KIAA1328: variants seen among roughly 807,000 people sequenced by gnomAD.
KIAA1328 encodes the protein protein hinderin.
In KIAA1328, 52 loss-of-function variants were observed where a neutral mutation model predicts 68.1. The observed-to-expected ratio is 0.76, with a 90% CI of 0.61 to 0.96. The LOEUF is 0.96. Among genes scored for constraint, KIAA1328 ranks in the 40% least tolerant of loss-of-function variants. The pLI is 0.00. For missense variants in KIAA1328, 641 were observed against 677.6 expected (o/e 0.95, Z 0.60); for synonymous variants, 232 against 239.4 (o/e 0.97, Z 0.28).
chr18:36,999,889 A>G (rs1208579779), intron 6 of KIAA1328, among the ~76,000 whole-genome samples: 2 of 152,032 alleles, frequency 1.3e-5, no homozygotes, highest in South Asian at 2.1e-4. Flanking sequence ...GAAACAAATG[A>G]TACCACCACC....
chr18:36,916,217 A>T (rs1416025901), intron 5 of KIAA1328, among the ~76,000 whole-genome samples: 4 of 151,932 alleles, frequency 2.6e-5, no homozygotes, highest in Non-Finnish European at 4.4e-5. Context: ...TTATATATAT[A>T]TGTACCTGCT....
intron 6 of KIAA1328, among the ~76,000 whole-genome samples, chr18:36,978,579 C>A (rs1168237182): frequency 6.6e-6 from 1 of 152,160 alleles, no homozygotes; most frequent in African/African-American, 2.4e-5. Context: ...ACATTTTTAA[C>A]TTTCTTTATA....
At chr18:36,981,237 CACA>C (rs1362257826) in intron 6 of KIAA1328, among the ~76,000 whole-genome samples, 2 of 152,124 alleles carry the variant, frequency 1.3e-5, no homozygotes, top group Non-Finnish European at 2.9e-5. Flanking sequence ...AGCACCTCTC[CACA>C]CTGATTCAAC....
chr18:37,073,906 T>C (rs941456486), intron 7 of KIAA1328, among the ~76,000 whole-genome samples: 5 of 152,224 alleles, frequency 3.3e-5, no homozygotes, highest in Admixed American at 3.3e-4. Context: ...CAAGTTGAGA[T>C]TATCTTCATT....
intron 7 of KIAA1328, among the ~76,000 whole-genome samples, chr18:37,096,488 T>A (rs2057411695): frequency 6.6e-6 from 1 of 152,264 alleles, no homozygotes; most frequent in African/African-American, 2.4e-5. Flanking sequence ...TGTTGGACAT[T>A]TGGATTGGTT....
At chr18:37,008,801 A>G (rs1208380690) in intron 6 of KIAA1328, among the ~76,000 whole-genome samples, 1 of 152,162 alleles carries the variant, frequency 6.6e-6, no homozygotes, top group African/African-American at 2.4e-5. Context: ...TGGAGTAACA[A>G]AGGAAAGAGT....
rs753945228 is a variant in KIAA1328, at chr18:37,213,113, T to C, written c.1524-8904T>C. 2.0e-5 allele frequency among the ~76,000 whole-genome samples: 3 copies of C among 152,324 alleles called. No homozygotes were observed. The South Asian group carries it at 6.2e-4, about 32-fold the overall frequency. On this transcript the variant is annotated intron_variant, in intron 9 of 9. Transcript: ENST00000280020. ...GTGATATAATTAAAAGCAACATCAG[T>C]CACTCTTAGCAAATGAGATTACAAA...
At chr18:37,154,082 ACT>A (rs891877258) in intron 7 of KIAA1328, among the ~76,000 whole-genome samples, 8 of 152,116 alleles carry the variant, frequency 5.3e-5, no homozygotes, top group Non-Finnish European at 1.2e-4. Context: ...TTTCTAAAAG[ACT>A]GTTTTCTCCC....
chr18:37,131,744 T>C (rs1308185039), intron 7 of KIAA1328, among the ~76,000 whole-genome samples: 1 of 152,166 alleles, frequency 6.6e-6, no homozygotes, highest in Non-Finnish European at 1.5e-5. Context: ...AAAAAGACTA[T>C]CATGTAAATT....
intron 4 of KIAA1328, among the ~76,000 whole-genome samples, chr18:36,865,225 T>C (rs1232663490): frequency 1.3e-5 from 2 of 152,132 alleles, no homozygotes; most frequent in Non-Finnish European, 2.9e-5. Context: ...TTTTAATTCG[T>C]TCTGTTTTCA....
chr18:36,915,395 T>G (rs1186544935), intron 5 of KIAA1328, among the ~76,000 whole-genome samples: 1 of 150,400 alleles, frequency 6.6e-6, no homozygotes, highest in African/African-American at 2.4e-5. Context: ...GGAAAAAAAC[T>G]ATTCTCCCGT....
At chr18:37,128,410 T>C (rs1198811906) in intron 7 of KIAA1328, among the ~76,000 whole-genome samples, 1 of 151,858 alleles carries the variant, frequency 6.6e-6, no homozygotes, top group Admixed American at 6.6e-5. Context: ...GAGGCGTAGG[T>C]TGCAATGAGC....
At chr18:37,113,303 G>A (rs577075401) in intron 7 of KIAA1328, among the ~76,000 whole-genome samples, 5 of 152,234 alleles carry the variant, frequency 3.3e-5, no homozygotes, top group South Asian at 4.1e-4. Flanking sequence ...GACTACCAGC[G>A]GATCTCTGGG....
At chr18:36,882,431 T>G (rs1235485903) in intron 4 of KIAA1328, among the ~76,000 whole-genome samples, 1 of 152,202 alleles carries the variant, frequency 6.6e-6, no homozygotes, top group Non-Finnish European at 1.5e-5. Flanking sequence ...GTTGCTTTAT[T>G]GGCAGGTCTT....
intron 6 of KIAA1328, among the ~76,000 whole-genome samples, chr18:36,984,149 C>G (rs2052809662): frequency 6.6e-6 from 1 of 152,096 alleles, no homozygotes. Context: ...TTAATAACAT[C>G]ATACTCAATG....
intron 6 of KIAA1328, among the ~76,000 whole-genome samples, chr18:37,057,687 G>A (rs1221030631): frequency 1.3e-5 from 2 of 151,476 alleles, no homozygotes; most frequent in Non-Finnish European, 2.9e-5. Flanking sequence ...CACCTGCCTC[G>A]GCCTCCCAAA....
intron 6 of KIAA1328, among the ~76,000 whole-genome samples, chr18:37,025,630 A>G (rs979878885): frequency 6.6e-6 from 1 of 152,228 alleles, no homozygotes; most frequent in African/African-American, 2.4e-5. Flanking sequence ...ACTACTGGGT[A>G]CATAACGAAA....
At position 37,064,536 on chromosome 18, in the gene KIAA1328, A is replaced by ACCC. The variant is rs35629735; in HGVS notation, c.577-2345_577-2343dup. On this transcript the variant is annotated intron_variant, in intron 6 of 9. Coordinates refer to ENST00000280020, the MANE Select transcript of KIAA1328 (RefSeq NM_020776.3). ...AAAATAGGCATGGTAGACTGAAAGT[A>ACCC]CCCCCCCCCCCAAATATGACCATGT... is the stretch of plus-strand genomic sequence containing the variant. 5.7e-4 allele frequency among the ~76,000 whole-genome samples: 66 copies of ACCC among 116,404 alleles called. 1 individual carries two copies. The highest frequency in any genetic ancestry group is 1.9e-3 in the African/African-American group (60 of 30,824). The allele number at this position is 116,404 out of a possible 152,430, so 76.4% of individuals were successfully genotyped here.
chr18:36,830,590 A>G (rs1304347509), intron 1 of KIAA1328, among the ~76,000 whole-genome samples: 1 of 151,626 alleles, frequency 6.6e-6, no homozygotes, highest in Non-Finnish European at 1.5e-5. Context: ...TGGGGGGGGG[A>G]CAAGCTATTG....
Sources: allele counts gnomAD v4.1 joint callset (sites outside exome capture counted in the v4.1 genomes callset), GRCh38; gene constraint gnomAD v4.1.1; transcripts MANE v1.5; gene names NCBI Gene and HGNC (gene_info 2026-07-23, HGNC 2026-07-21).